The following KCNMA1 variants were observed in gnomAD, a reference collection of about 807,000 sequenced individuals.
KCNMA1 encodes the protein potassium calcium-activated channel subfamily M alpha 1.
KCNMA1 carries 29 observed loss-of-function variants against 140.0 expected under a neutral mutation model. The observed-to-expected ratio is 0.21, with a 90% CI of 0.15 to 0.28. The LOEUF is 0.28. Among genes scored for constraint, KCNMA1 ranks in the 10% least tolerant of loss-of-function variants. The pLI, the probability that KCNMA1 is intolerant of heterozygous loss-of-function variation, is 1.00. For synonymous variants in KCNMA1, 612 were observed against 611.9 expected, an observed-to-expected ratio of 1.00 and a Z score of 0.00; for missense variants, 880 against 1,602.2, an observed-to-expected ratio of 0.55 and a Z score of 7.70.
intron 20 of KCNMA1, among the ~76,000 whole-genome samples, chr10:76,957,044 G>A (rs1258591418): frequency 6.6e-6 from 1 of 150,570 alleles, no homozygotes; most frequent in Non-Finnish European, 1.5e-5. Flanking sequence ...AGGAGAATGG[G>A]GTGAACCCAG....
intron 3 of KCNMA1, among the ~76,000 whole-genome samples, chr10:77,234,712 C>T (rs1222055669): frequency 2.0e-5 from 3 of 152,174 alleles, no homozygotes; most frequent in Non-Finnish European, 2.9e-5. Context: ...ATACTAACAA[C>T]CAAGAATATC....
intron 19 of KCNMA1, among the ~76,000 whole-genome samples, chr10:76,984,201 CT>C (rs11369702): frequency 3.4e-5 from 5 of 149,130 alleles, no homozygotes; most frequent in African/African-American, 4.9e-5. Flanking sequence ...TTATTATTTA[CT>C]TTTTTTTTTT....
At chr10:77,545,030 T>C (rs975456750) in intron 1 of KCNMA1, among the ~76,000 whole-genome samples, 4 of 152,220 alleles carry the variant, frequency 2.6e-5, no homozygotes, top group African/African-American at 9.6e-5. Context: ...GAAGAGAGCA[T>C]ATTTTTTCTG....
chr10:77,024,684 A>T (rs527727126), intron 16 of KCNMA1, among the ~76,000 whole-genome samples: 1 of 152,260 alleles, frequency 6.6e-6, no homozygotes, highest in East Asian at 1.9e-4. Context: ...AAATATGCCC[A>T]AACACACTAG....
At chr10:77,515,533 C>T (rs964037668) in intron 1 of KCNMA1, among the ~76,000 whole-genome samples, 1 of 152,182 alleles carries the variant, frequency 6.6e-6, no homozygotes, top group Non-Finnish European at 1.5e-5. Context: ...AGAGGTCTTC[C>T]TAGGCTGCCT....
rs2093909141 is a variant in KCNMA1 at position 77,637,656 on chromosome 10, C to A, written c.-14G>T. 6.7e-7 allele frequency: 1 copy of A among 1,497,684 alleles called. No individual in the cohort carries two copies. Among genetic ancestry groups the A allele is most frequent in the Admixed American group, 2.2e-5 (1 of 46,450 alleles). The allele number at this position is 1,497,684 out of a possible 1,614,324, so 92.8% of individuals were successfully genotyped here. ...ACCATTTGCCATAGCTAGCAACGGG[C>A]AGCCGGCGCAGGGGCTCGGGGGAGC... is the stretch of plus-strand genomic sequence containing the variant. On this transcript the variant is annotated 5_prime_UTR_variant, in exon 1 of 28. Coordinates refer to ENST00000286628, the MANE Select transcript of KCNMA1 (RefSeq NM_001161352.2).
intron 13 of KCNMA1, among the ~76,000 whole-genome samples, chr10:77,076,402 G>A (rs748326915): frequency 8.5e-5 from 13 of 152,200 alleles, no homozygotes; most frequent in Non-Finnish European, 8.8e-5. Context: ...GCATTTAAAA[G>A]ATGGCCAGCA....
Position 77,049,222 on chromosome 10 carries a change from G to A in KCNMA1, c.1750-9585C>T, listed in dbSNP as rs189387681. Among the ~76,000 whole-genome samples, 3 of 152,178 alleles carry A rather than the reference G, an allele frequency of 2.0e-5. No individual in the cohort carries two copies. In the East Asian group the frequency reaches 5.8e-4, roughly 29 times the overall value. ...ATATGTCTCTCTATGACCTTTTTCA[G>A]TTGTCAAAATCCAGTGCTTCCTGTA... On this transcript the variant is annotated intron_variant, in intron 14 of 27. Transcript: ENST00000286628.
intron 27 of KCNMA1, 111 bp from the exon 28 acceptor site, chr10:76,887,626 G>C: frequency 1.6e-6 from 2 of 1,217,994 alleles, no homozygotes; most frequent in Non-Finnish European, 2.4e-6. Context: ...AGAGGATCTG[G>C]AAGATGCACT....
intron 1 of KCNMA1, among the ~76,000 whole-genome samples, chr10:77,506,436 G>C (rs1021001870): frequency 6.6e-5 from 10 of 152,094 alleles, no homozygotes; most frequent in African/African-American, 2.4e-4. Context: ...GAGAAACCAA[G>C]AACACAGTCA....
chr10:77,122,370 T>G (rs1040731737), intron 5 of KCNMA1, among the ~76,000 whole-genome samples: 3 of 152,156 alleles, frequency 2.0e-5, no homozygotes, highest in East Asian at 3.9e-4. Context: ...ATAATACTTA[T>G]ATAACTTTTA....
intron 8 of KCNMA1, among the ~76,000 whole-genome samples, chr10:77,109,734 T>C (rs1005376562): frequency 4.0e-5 from 6 of 151,416 alleles, no homozygotes; most frequent in Non-Finnish European, 8.8e-5. Context: ...ACAGTGTTTG[T>C]TGGAAGTTAG....
chr10:77,525,339 C>G (rs569817433), intron 1 of KCNMA1, among the ~76,000 whole-genome samples: 2 of 152,182 alleles, frequency 1.3e-5, no homozygotes, highest in Non-Finnish European at 2.9e-5. Flanking sequence ...GGTTGGAACC[C>G]GTTCTCTTCC....
At chr10:76,948,843 C>T (rs1479844585) in intron 22 of KCNMA1, 2 of 462,454 alleles carry the variant, frequency 4.3e-6, no homozygotes, top group East Asian at 8.5e-5. Flanking sequence ...TATAACAATG[C>T]TCTAGGTTTT....
intron 1 of KCNMA1, among the ~76,000 whole-genome samples, chr10:77,531,223 G>C (rs919044299): frequency 6.6e-6 from 1 of 152,172 alleles, no homozygotes; most frequent in Non-Finnish European, 1.5e-5. Flanking sequence ...ACAGCAGATG[G>C]GGGTGAATGA....
chr10:77,365,311 G>A (rs914878822), intron 2 of KCNMA1, among the ~76,000 whole-genome samples: 1 of 152,170 alleles, frequency 6.6e-6, no homozygotes, highest in Non-Finnish European at 1.5e-5. Context: ...GGCAATTCAT[G>A]TGCATCCTCC....
chr10:77,060,965 C>G (rs992498387), intron 14 of KCNMA1, among the ~76,000 whole-genome samples: 2 of 152,126 alleles, frequency 1.3e-5, no homozygotes, highest in Non-Finnish European at 2.9e-5. Flanking sequence ...CATGTTGACT[C>G]TAACTCCACT....
At chr10:77,478,292 G>T (rs2098319770) in intron 1 of KCNMA1, among the ~76,000 whole-genome samples, 1 of 152,196 alleles carries the variant, frequency 6.6e-6, no homozygotes, top group Non-Finnish European at 1.5e-5. Flanking sequence ...GAGCTGAGCT[G>T]CAGTCAACCC....
intron 5 of KCNMA1, among the ~76,000 whole-genome samples, chr10:77,164,579 G>A (rs1296312571): frequency 6.6e-6 from 1 of 151,696 alleles, no homozygotes; most frequent in Non-Finnish European, 1.5e-5. Context: ...CTGGACTCCA[G>A]GATTACTTCC....
Sources: allele counts gnomAD v4.1 joint callset (sites outside exome capture counted in the v4.1 genomes callset), GRCh38; gene constraint gnomAD v4.1.1; transcripts MANE v1.5; gene names NCBI Gene and HGNC (gene_info 2026-07-23, HGNC 2026-07-21).